Variants in UGT1A9 observed in about 807,000 individuals in gnomAD.
UGT1A9 encodes the protein UDP-glucuronosyltransferase 1A9.
UGT1A9 carries 35 observed loss-of-function variants against 45.0 expected under a neutral mutation model. The observed-to-expected ratio is 0.78, with a 90% CI of 0.59 to 1.03. The LOEUF (loss-of-function observed/expected upper bound fraction) is 1.03, where lower values mean the gene tolerates loss of function less well. Among genes scored for constraint, UGT1A9 ranks in the 50% least tolerant of loss-of-function variants. The probability of loss-of-function intolerance (pLI) is 0.00; values close to 1 mark genes in which losing one functional copy is unlikely to be tolerated. For missense variants in UGT1A9, 687 were observed against 666.6 expected (o/e 1.03, Z -0.34); for synonymous variants, 278 against 250.6 (o/e 1.11, Z -1.03).
In UGT1A9 at chr2:233,676,470, C is replaced by A. The variant is rs530468532; in HGVS notation, c.855+3681C>A. Among the ~76,000 whole-genome samples, 5 of 152,248 alleles carry A rather than the reference C, an allele frequency of 3.3e-5. No homozygotes were observed. In the East Asian group the frequency reaches 7.7e-4, roughly 23 times the overall value. On this transcript the variant is annotated intron_variant, in intron 1 of 4. Coordinates refer to ENST00000354728, the MANE Select transcript of UGT1A9 (RefSeq NM_021027.3). ...GGCACATCCATCACAACTCATTCAC[C>A]AATATTGACGCATAATGATGAGCTA...
At chr2:233,732,144 T>G (rs1266752790) in intron 1 of UGT1A9, among the ~76,000 whole-genome samples, 4 of 152,136 alleles carry the variant, frequency 2.6e-5, no homozygotes, top group Admixed American at 2.0e-4. Context: ...TTGTTTGTTT[T>G]TTTTCTTGTA....
chr2:233,768,630 A>T (rs1213250960), intron 4 of UGT1A9, among the ~76,000 whole-genome samples, 191 bp downstream of exon 4: 3 of 121,000 alleles, frequency 2.5e-5, no homozygotes, highest in African/African-American at 9.7e-5. Flanking sequence ...TCTGTCACCT[A>T]GGCTGGAGTG....
At position 233,772,459 on chromosome 2, in the gene UGT1A9, C is replaced by G. The variant is rs1268705566; in HGVS notation, c.1493C>G (p.Thr498Arg). The change falls in exon 5 of 5, where the codon ACA becomes AGA. Residue 498 changes from threonine to arginine, a missense_variant. Coordinates refer to ENST00000354728, the MANE Select transcript of UGT1A9 (RefSeq NM_021027.3). ...VIGFLLAVVL[T>R]VAFITFKCCA... is the part of the protein sequence containing the mutation. Reference sequence around the variant, plus strand: ...GGTTTCCTCTTGGCCGTCGTGCTGACAGTGGCCTTCATCACCTTTAAATGT... The same window carrying G: ...GGTTTCCTCTTGGCCGTCGTGCTGAGAGTGGCCTTCATCACCTTTAAATGT... 5 of 1,614,074 alleles carry G rather than the reference C, an allele frequency of 3.1e-6. No individual in the cohort carries two copies. In the Admixed American group the frequency reaches 8.3e-5, roughly 27 times the overall value.
chr2:233,709,929 A>G (rs1249003261), intron 1 of UGT1A9, among the ~76,000 whole-genome samples: 1 of 152,134 alleles, frequency 6.6e-6, no homozygotes, highest in Non-Finnish European at 1.5e-5. Context: ...ACCTTAGGCA[A>G]CCCTGGATGG....
rs921224887 is a variant in UGT1A9, at chr2:233,769,400, T to A, written c.1295+961T>A. ...TCCGACAATAGATACTGTGTGCATA[T>A]GTGCGTGTGCGTTTGTGCATGTGGC... On this transcript the variant is annotated intron_variant, in intron 4 of 4. Coordinates refer to ENST00000354728, the MANE Select transcript of UGT1A9 (RefSeq NM_021027.3). The surrounding 1 kb of genome is among the most constrained non-coding windows in gnomAD (Gnocchi z 4.4). 3.4e-6 allele frequency: 4 copies of A among 1,182,114 alleles called. No homozygotes were observed. Among genetic ancestry groups the A allele is most frequent in the Non-Finnish European group, 4.9e-6 (4 of 819,978 alleles). The allele number at this position is 1,182,114 out of a possible 1,614,324, so 73.2% of individuals were successfully genotyped here. A position where few individuals can be genotyped will look rare whatever the true frequency, so the allele number is the denominator to read the frequency against.
intron 1 of UGT1A9, chr2:233,743,933 G>A (rs1319527828): frequency 7.4e-7 from 1 of 1,357,164 alleles, no homozygotes; most frequent in Non-Finnish European, 9.8e-7. Flanking sequence ...TGGCCAGAAC[G>A]GCCCACCAGG....
intron 1 of UGT1A9, among the ~76,000 whole-genome samples, chr2:233,686,584 C>G (rs371449627): frequency 6.6e-6 from 1 of 152,056 alleles, no homozygotes; most frequent in African/African-American, 2.4e-5. Flanking sequence ...GTGTGGATTA[C>G]TGCTGCTTTC....
chr2:233,693,620 T>C, intron 1 of UGT1A9: 1 of 1,614,218 alleles, frequency 6.2e-7, no homozygotes, highest in Non-Finnish European at 8.5e-7. Flanking sequence ...CATGACTTTT[T>C]CCCAACGAGT....
Position 233,757,121 on chromosome 2 carries a change from A to G in UGT1A9, c.856-9913A>G, listed in dbSNP as rs559239929. 1.1e-4 allele frequency among the ~76,000 whole-genome samples: 17 copies of G among 151,382 alleles called. No homozygotes were observed. The South Asian group carries it at 3.4e-3, about 30-fold the overall frequency. ...GAGGGGGCAAGCAGAAGGGCTAGAG[A>G]GGAGGAATGAGCTTGGACAGGTGGG... On this transcript the variant is annotated intron_variant, in intron 1 of 4. Coordinates refer to ENST00000354728, the MANE Select transcript of UGT1A9 (RefSeq NM_021027.3).
rs1575521689 is a variant in UGT1A9, at chr2:233,718,730, T to C, written c.855+45941T>C. Reference sequence around the variant, plus strand: ...TCCAATTACATGCTGATTTGCTAGGTGGCTCAATGACAAGGTAATTAAGGC... The same window carrying C: ...TCCAATTACATGCTGATTTGCTAGGCGGCTCAATGACAAGGTAATTAAGGC... On this transcript the variant is annotated intron_variant, in intron 1 of 4. Transcript: ENST00000354728. 6.2e-6 allele frequency: 10 copies of C among 1,611,210 alleles called. No homozygotes were observed. The East Asian group carries it at 2.2e-4, about 36-fold the overall frequency.
At chr2:233,746,150 G>A (rs1029682140) in intron 1 of UGT1A9, among the ~76,000 whole-genome samples, 1 of 151,866 alleles carries the variant, frequency 6.6e-6, no homozygotes, top group African/African-American at 2.4e-5. Flanking sequence ...GTGATAGCAT[G>A]ATTCCAAAGC....
intron 1 of UGT1A9, among the ~76,000 whole-genome samples, chr2:233,675,746 C>T (rs1371551948): frequency 1.3e-5 from 2 of 152,118 alleles, no homozygotes; most frequent in Non-Finnish European, 1.5e-5. Context: ...TCATCTATCC[C>T]TTTATTCTAT....
At chr2:233,699,748 C>T (rs1437214781) in intron 1 of UGT1A9, among the ~76,000 whole-genome samples, 1 of 152,182 alleles carries the variant, frequency 6.6e-6, no homozygotes, top group African/African-American at 2.4e-5. Context: ...GAAAACTAGA[C>T]CCCAGTTCCT....
At chr2:233,675,855 T>A (rs1276597881) in intron 1 of UGT1A9, among the ~76,000 whole-genome samples, 1 of 152,128 alleles carries the variant, frequency 6.6e-6, no homozygotes, top group Non-Finnish European at 1.5e-5. Flanking sequence ...ATATAAAAAA[T>A]AAGAAAAATT....
chr2:233,704,631 A>G (rs1393550960), intron 1 of UGT1A9, among the ~76,000 whole-genome samples: 1 of 152,120 alleles, frequency 6.6e-6, no homozygotes, highest in Non-Finnish European at 1.5e-5. Flanking sequence ...TGTTATATTA[A>G]CCTTTTTGCT....
chr2:233,697,058 G>A (rs1287604858), intron 1 of UGT1A9, among the ~76,000 whole-genome samples: 1 of 151,826 alleles, frequency 6.6e-6, no homozygotes, highest in African/African-American at 2.4e-5. Context: ...TTGTGTCCTT[G>A]TCTGGTTTTG....
chr2:233,746,472 A>G (rs1693402163), intron 1 of UGT1A9, among the ~76,000 whole-genome samples: 1 of 151,654 alleles, frequency 6.6e-6, no homozygotes, highest in Admixed American at 6.6e-5. Flanking sequence ...GGTTCCAGAA[A>G]CACTTTCCAT....
intron 4 of UGT1A9, 74 bp from the exon 5 acceptor site, chr2:233,772,188 C>A (rs1559419594): frequency 1.1e-5 from 17 of 1,595,306 alleles, no homozygotes; most frequent in Middle Eastern, 2.0e-4. Context: ...TCTTCTTAAG[C>A]AGCCATGAGC....
At chr2:233,722,834 TAAG>T (rs1329542867) in intron 1 of UGT1A9, among the ~76,000 whole-genome samples, 1 of 146,008 alleles carries the variant, frequency 6.8e-6, no homozygotes, top group Non-Finnish European at 1.5e-5. Flanking sequence ...TGTATTATAA[TAAG>T]AATGTTTCTT....
Sources: allele counts gnomAD v4.1 joint callset (sites outside exome capture counted in the v4.1 genomes callset), GRCh38; gene constraint gnomAD v4.1.1; non-coding constraint Gnocchi (gnomAD v3.1); transcripts MANE v1.5; gene names NCBI Gene and HGNC (gene_info 2026-07-23, HGNC 2026-07-21).